The following MEI4 variants were observed in gnomAD, a reference collection of about 807,000 sequenced individuals.
The protein encoded by MEI4 is meiosis-specific protein MEI4.
In MEI4, 27 loss-of-function variants were observed where a neutral mutation model predicts 31.4. The ratio of observed to expected loss-of-function variants is 0.86; its 90% CI spans 0.63 to 1.19. MEI4 has a LOEUF of 1.19. Among genes scored for constraint, MEI4 ranks in the 50% most tolerant of loss-of-function variants. The pLI is 0.00. For missense variants in MEI4, 329 were observed against 398.9 expected (o/e 0.82, Z 1.49); for synonymous variants, 122 against 145.4 (o/e 0.84, Z 1.16).
intron 2 of MEI4, among the ~76,000 whole-genome samples, chr6:77,742,548 A>G (rs566200262): frequency 1.3e-5 from 2 of 152,274 alleles, no homozygotes; most frequent in Admixed American, 6.5e-5. Flanking sequence ...TAGTTTGCGA[A>G]AATTTTCTCC....
At chr6:77,916,296 T>C (rs890556349) in intron 4 of MEI4, among the ~76,000 whole-genome samples, 1 of 152,120 alleles carries the variant, frequency 6.6e-6, no homozygotes, top group East Asian at 1.9e-4. Flanking sequence ...AGAATTACTG[T>C]GTTTAGTGGC....
At chr6:77,805,313 T>C (rs1769400767) in intron 3 of MEI4, among the ~76,000 whole-genome samples, 1 of 152,184 alleles carries the variant, frequency 6.6e-6, no homozygotes. Flanking sequence ...CCCTGCTATG[T>C]TTTTCTTATT....
intron 4 of MEI4, among the ~76,000 whole-genome samples, chr6:77,885,716 C>T (rs1771603648): frequency 1.3e-5 from 2 of 152,000 alleles, no homozygotes; most frequent in South Asian, 2.1e-4. Context: ...TGAATAGGTA[C>T]AGTTAAAGTG....
chr6:77,906,897 A>G (rs6454017), intron 4 of MEI4, among the ~76,000 whole-genome samples: 125,620 of 152,098 alleles, frequency 0.83, 52,389 homozygotes, highest in East Asian at 0.95. Flanking sequence ...GCTTAACCCA[A>G]AGCATGGGTA....
chr6:77,809,847 A>T (rs1769532404), intron 3 of MEI4, among the ~76,000 whole-genome samples: 1 of 152,232 alleles, frequency 6.6e-6, no homozygotes, highest in African/African-American at 2.4e-5. Flanking sequence ...TTGAAAAAAA[A>T]ATCATTGTTT....
intron 2 of MEI4, among the ~76,000 whole-genome samples, chr6:77,700,298 G>C (rs1351072669): frequency 6.6e-6 from 1 of 152,142 alleles, no homozygotes; most frequent in Non-Finnish European, 1.5e-5. Flanking sequence ...GCAGTGGCAG[G>C]TGCCCCTCCC....
At chr6:77,687,158 A>G (rs1003451090) in intron 1 of MEI4, among the ~76,000 whole-genome samples, 1 of 152,078 alleles carries the variant, frequency 6.6e-6, no homozygotes, top group Admixed American at 6.6e-5. Context: ...TTACTATGGT[A>G]AGAACTGCTC....
chr6:77,880,992 G>T (rs1771476466), intron 4 of MEI4, among the ~76,000 whole-genome samples: 1 of 151,096 alleles, frequency 6.6e-6, no homozygotes, highest in Non-Finnish European at 1.5e-5. Context: ...TATTTTTTTT[G>T]GAGTACATAT....
At chr6:77,913,193 A>G (rs1010981341) in intron 4 of MEI4, among the ~76,000 whole-genome samples, 2 of 152,026 alleles carry the variant, frequency 1.3e-5, no homozygotes, top group East Asian at 1.9e-4. Flanking sequence ...GTTTTCTAGC[A>G]TATTGTTGAT....
At chr6:77,893,740 C>T (rs79754375) in intron 4 of MEI4, among the ~76,000 whole-genome samples, 1,884 of 152,258 alleles carry the variant, frequency 0.012, 46 homozygotes, top group African/African-American at 0.043. Flanking sequence ...CTCTTGCCAG[C>T]CACTAATGCA....
At chr6:77,838,503 T>C (rs1044326241) in intron 4 of MEI4, among the ~76,000 whole-genome samples, 2 of 152,162 alleles carry the variant, frequency 1.3e-5, no homozygotes. Context: ...CTCTGTAAAC[T>C]CAAATCTAAA....
rs189985890 is a variant in MEI4 at position 77,752,271 on chromosome 6, C to A, written c.233-8859C>A. 2.7e-3 allele frequency among the ~76,000 whole-genome samples: 416 copies of A among 152,182 alleles called. 2 individuals are homozygous for A. The highest frequency in any genetic ancestry group is 4.1e-3 in the South Asian group (20 of 4,824). On this transcript the variant is annotated intron_variant, in intron 2 of 4. Transcript: ENST00000684080. Reference sequence around the variant, plus strand: ...ATAGTTTTGGAAGTTCTGGCCAGGGCAATCAGGCAGGAGAAAGAAATAAAG... The same window carrying A: ...ATAGTTTTGGAAGTTCTGGCCAGGGAAATCAGGCAGGAGAAAGAAATAAAG...
chr6:77,844,175 T>C (rs957833424), intron 4 of MEI4, among the ~76,000 whole-genome samples: 4 of 152,156 alleles, frequency 2.6e-5, no homozygotes, highest in Non-Finnish European at 5.9e-5. Context: ...CTAATGTCCC[T>C]ACTGATGCTT....
At chr6:77,876,731 AC>A (rs1771350516) in intron 4 of MEI4, among the ~76,000 whole-genome samples, 1 of 152,072 alleles carries the variant, frequency 6.6e-6, no homozygotes, top group Non-Finnish European at 1.5e-5. Flanking sequence ...AATAACAGGA[AC>A]CCCACCATGT....
intron 2 of MEI4, among the ~76,000 whole-genome samples, chr6:77,730,140 G>A (rs957580681): frequency 6.6e-6 from 1 of 152,106 alleles, no homozygotes; most frequent in Non-Finnish European, 1.5e-5. Flanking sequence ...AGGTAATTGG[G>A]GCTAGACGGT....
intron 4 of MEI4, among the ~76,000 whole-genome samples, chr6:77,861,993 G>A (rs1171862420): frequency 9.2e-5 from 14 of 151,614 alleles, no homozygotes. Flanking sequence ...CACATTTTGG[G>A]AAACATCATT....
At chr6:77,841,119 T>A (rs1770346681) in intron 4 of MEI4, among the ~76,000 whole-genome samples, 1 of 151,778 alleles carries the variant, frequency 6.6e-6, no homozygotes, top group South Asian at 2.1e-4. Flanking sequence ...TAGACCATGT[T>A]GCTTTTATTA....
At chr6:77,843,258 GC>G (rs1351126136) in intron 4 of MEI4, among the ~76,000 whole-genome samples, 1 of 151,744 alleles carries the variant, frequency 6.6e-6, no homozygotes, top group Non-Finnish European at 1.5e-5. Context: ...TTAGAGCCAG[GC>G]AAATTATATA....
chr6:77,864,373 G>A (rs2127722450), intron 4 of MEI4, among the ~76,000 whole-genome samples: 1 of 152,176 alleles, frequency 6.6e-6, no homozygotes, highest in East Asian at 1.9e-4. Flanking sequence ...TCAAAATAAA[G>A]GGATGGAGGA....
Sources: gnomAD v4.1 joint callset for allele counts (sites outside exome capture counted in the v4.1 genomes callset) on GRCh38, gnomAD v4.1.1 for gene constraint, MANE v1.5 for transcripts, NCBI Gene and HGNC (gene_info 2026-07-23, HGNC 2026-07-21) for gene names.